Variants in INCENP observed in about 807,000 individuals in gnomAD.
INCENP encodes binds and activates aurora-B and -C in vivo and in vitro.
In INCENP, 43 loss-of-function variants were observed where a neutral mutation model predicts 107.3. The ratio of observed to expected loss-of-function variants is 0.40; its 90% CI spans 0.31 to 0.52. The LOEUF (loss-of-function observed/expected upper bound fraction) is 0.52, where lower values mean the gene tolerates loss of function less well. Ranked by LOEUF, INCENP falls within the 20% of genes least tolerant of loss-of-function variation. The pLI, the probability that INCENP is intolerant of heterozygous loss-of-function variation, is 0.53. For synonymous variants in INCENP, 488 were observed against 494.4 expected (o/e 0.99, Z 0.17); for missense variants, 1,089 against 1,250.9 (o/e 0.87, Z 1.95).
At chr11:62,138,802 A>C in intron 6 of INCENP, 32 bp downstream of exon 6, 1 of 1,611,500 alleles carries the variant, frequency 6.2e-7, no homozygotes, top group East Asian at 2.2e-5. Context: ...GGGAGGACTC[A>C]CCTCTGGGGC....
intron 4 of INCENP, among the ~76,000 whole-genome samples, chr11:62,134,755 A>C (rs1335030605): frequency 6.6e-6 from 1 of 152,230 alleles, no homozygotes; most frequent in Admixed American, 6.5e-5. Flanking sequence ...TTTGGGTTAA[A>C]GTAACTGAAG....
chr11:62,139,228 G>A (rs1315085192), intron 7 of INCENP, among the ~76,000 whole-genome samples: 1 of 152,204 alleles, frequency 6.6e-6, no homozygotes, highest in Admixed American at 6.5e-5. Flanking sequence ...GGCTGTGGCT[G>A]GTTGGGACAG....
intron 1 of INCENP, among the ~76,000 whole-genome samples, chr11:62,126,269 C>T (rs4963464): frequency 0.23 from 34,461 of 150,716 alleles, 4,889 homozygotes; most frequent in South Asian, 0.4. Context: ...GATCTTGGCT[C>T]ATTGCAGCCT....
In INCENP at chr11:62,144,836, C is replaced by T. The variant is rs778398552; in HGVS notation, c.1606-146C>T. The stretch of plus-strand genomic sequence containing the variant: ...GCCTTGGCTTGGGTGCTGTTGGGGC[C>T]ACGTTGGGGATACCTCTGCCTAAGA... On this transcript the variant is annotated intron_variant, in intron 11 of 18. Coordinates refer to ENST00000394818, the MANE Select transcript of INCENP (RefSeq NM_001040694.2). 8.7e-6 allele frequency: 7 copies of T among 806,042 alleles called. No homozygotes were observed. In the South Asian group the frequency reaches 9.4e-5, roughly 11 times the overall value. 49.9% of individuals were successfully genotyped at this position (806,042 alleles called of 1,614,324 possible).
intron 11 of INCENP, 37 bp from the exon 12 acceptor site, chr11:62,144,945 G>A: frequency 6.4e-7 from 1 of 1,560,948 alleles, no homozygotes; most frequent in Non-Finnish European, 8.7e-7. Context: ...GGTCGTCCTT[G>A]CTCATGTCCC....
intron 13 of INCENP, 120 bp downstream of exon 13, chr11:62,145,409 C>T (rs1355637722): frequency 6.2e-6 from 9 of 1,456,118 alleles, no homozygotes; most frequent in Non-Finnish European, 8.4e-6. Context: ...CTGTCTGCCC[C>T]ATGGGCCCTG....
rs1304608720 is a variant in INCENP, at chr11:62,145,236, A to C, written c.1783A>C (p.Lys595Gln). 2.5e-6 allele frequency: 4 copies of C among 1,613,890 alleles called. No individual in the cohort carries two copies. Among genetic ancestry groups the C allele is most frequent in the African/African-American group, 1.3e-5 (1 of 74,904 alleles). The change falls in exon 13 of 19, where the codon AAG (lysine) becomes CAG (glutamine). Residue 595 changes from lysine to glutamine, a missense_variant. Coordinates refer to ENST00000394818, the MANE Select transcript of INCENP (RefSeq NM_001040694.2). ...RERVEQMKEEKKKQIEQKFAQ... is the reference protein window; with the variant it reads ...RERVEQMKEEQKKQIEQKFAQ... ...GCGGGTGGAGCAGATGAAGGAGGAG[A>C]AGAAGAAGCAGATTGAGCAGAAGTT...
At chr11:62,128,567 G>A (rs564661012) in intron 2 of INCENP, among the ~76,000 whole-genome samples, 2 of 152,332 alleles carry the variant, frequency 1.3e-5, no homozygotes, top group East Asian at 3.9e-4. Context: ...GTGCGCCTGG[G>A]AGCTTGCTTC....
At chr11:62,144,658 GCA>G in intron 11 of INCENP, 1 of 611,758 alleles carries the variant, frequency 1.6e-6, no homozygotes, top group Non-Finnish European at 3.1e-6. Context: ...CTTTTTCAAT[GCA>G]CAGTTTATGT....
In INCENP at chr11:62,140,122, G is replaced by A. The variant is rs557884332; in HGVS notation, c.1292-112G>A. 9.8e-5 allele frequency: 85 copies of A among 871,216 alleles called. No homozygotes were observed. In the African/African-American group the frequency reaches 1.3e-3, roughly 13 times the overall value. The allele number at this position is 871,216 out of a possible 1,614,324, so 54.0% of individuals were successfully genotyped here. ...CCACCCCGGAGCTGCCAGGAAGGGA[G>A]CCTTGCCCACTGCCAAGGCTGCTGC... On this transcript the variant is annotated intron_variant, in intron 7 of 18. Coordinates refer to ENST00000394818, the MANE Select transcript of INCENP (RefSeq NM_001040694.2).
chr11:62,131,840 C>T (rs189428128), intron 4 of INCENP, among the ~76,000 whole-genome samples: 9 of 152,064 alleles, frequency 5.9e-5, no homozygotes, highest in African/African-American at 9.6e-5. Context: ...TGCAATGGCA[C>T]GATCTCGGCT....
intron 18 of INCENP, among the ~76,000 whole-genome samples, chr11:62,151,079 G>A (rs1286320466): frequency 2.0e-5 from 3 of 152,190 alleles, no homozygotes; most frequent in Non-Finnish European, 2.9e-5. Context: ...CCATCTAATC[G>A]GAGGTGACTT....
rs768856015 is a variant in INCENP, at chr11:62,140,761, G to A, written c.1401G>A (p.Glu467=). ...AGCTGGACGAGGAGCAGCACCTGGA[G>A]GATGAGGAGCTGCAGCCCCCCAGGA... ...VSELDEEQHL[E]DEELQPPRSK... The change falls in exon 9 of 19, where the codon GAG becomes GAA. Residue 467 remains glutamate (E), a synonymous_variant. Coordinates refer to ENST00000394818, the MANE Select transcript of INCENP (RefSeq NM_001040694.2). The A allele has an allele frequency of 6.2e-7, 1 of 1,609,520 alleles. No individual in the cohort carries two copies. The highest frequency in any genetic ancestry group is 8.5e-7 in the Non-Finnish European group (1 of 1,178,668).
chr11:62,127,000 CCTTG>C (rs1943765076), intron 1 of INCENP, among the ~76,000 whole-genome samples: 1 of 151,628 alleles, frequency 6.6e-6, no homozygotes, highest in African/African-American at 2.4e-5. Context: ...TGTACTTCTT[CCTTG>C]CTTGAAGTTT....
intron 1 of INCENP, among the ~76,000 whole-genome samples, chr11:62,125,958 T>C (rs1381178895): frequency 1.3e-5 from 2 of 152,194 alleles, no homozygotes; most frequent in Non-Finnish European, 2.9e-5. Flanking sequence ...TTTTCAGGTT[T>C]TCCTGAGGAT....
chr11:62,140,673 C>T, intron 8 of INCENP, 31 bp from the exon 9 acceptor site: 2 of 1,529,632 alleles, frequency 1.3e-6, no homozygotes, highest in Non-Finnish European at 1.8e-6. Flanking sequence ...TGGCGGGCTG[C>T]CCTGTGATGC....
In INCENP at chr11:62,148,742, G is replaced by A. The variant is rs1944310686; in HGVS notation, c.2287G>A (p.Glu763Lys). 1.3e-6 allele frequency: 2 copies of A among 1,585,234 alleles called. No homozygotes were observed. The highest frequency in any genetic ancestry group is 1.2e-5 in the South Asian group (1 of 85,562). Residue 763 changes from glutamate (E) to lysine (K), a missense_variant, in exon 17 of 19, where the codon GAG becomes AAG. Glu to Lys is a moderately conservative substitution (Grantham distance 56). Coordinates refer to ENST00000394818, the MANE Select transcript of INCENP (RefSeq NM_001040694.2). ...CCCATTGCCACCTGGGTTCCAGGAA[G>A]AGCAGCAGCGTCTGGCTGAGCGGCA... The part of the protein sequence containing the change: ...RELEEKKKKE[E>K]QQRLAERQLQ...
chr11:62,149,136 G>A (rs1197445680), intron 17 of INCENP, among the ~76,000 whole-genome samples: 1 of 151,360 alleles, frequency 6.6e-6, no homozygotes, highest in Non-Finnish European at 1.5e-5. Context: ...TTTTACTTAT[G>A]TAACCCTTTT....
rs1282001642 is a variant in INCENP at position 62,131,578 on chromosome 11, C to T, written c.1063+988C>T. On this transcript the variant is annotated intron_variant, in intron 4 of 18. Coordinates refer to ENST00000394818, the MANE Select transcript of INCENP (RefSeq NM_001040694.2). ...GCAGAGGGAACAGCTTGTACGAAGA[C>T]CCTGATGCCTAAAGCAACAAGTGAT... Among the ~76,000 whole-genome samples the T allele has an allele frequency of 2.0e-5, 3 of 152,092 alleles. No individual in the cohort carries two copies. The East Asian group carries it at 5.8e-4, about 29-fold the overall frequency.
Sources: allele counts gnomAD v4.1 joint callset (sites outside exome capture counted in the v4.1 genomes callset), GRCh38; gene constraint gnomAD v4.1.1; transcripts MANE v1.5; gene names NCBI Gene and HGNC (gene_info 2026-07-23, HGNC 2026-07-21).